OR51B5: variants seen among roughly 807,000 people sequenced by gnomAD.
OR51B5 encodes olfactory receptor 51B5.
For missense variants in OR51B5, 456 were observed against 374.6 expected, an observed-to-expected ratio of 1.22 and a Z score of -1.79; for synonymous variants, 186 against 144.8, an observed-to-expected ratio of 1.28 and a Z score of -2.04.
chr11:5,390,094 C>A (rs752118550), intron 1 of OR51B5: 1 of 1,613,770 alleles, frequency 6.2e-7, no homozygotes. Context: ...CCTATGGACT[C>A]ATCCTGCACA....
intron 1 of OR51B5, among the ~76,000 whole-genome samples, chr11:5,349,451 C>T (rs996818631): frequency 6.6e-6 from 1 of 151,606 alleles, no homozygotes; most frequent in Non-Finnish European, 1.5e-5. Flanking sequence ...AGTAATATAA[C>T]ACAATTAACT....
intron 1 of OR51B5, among the ~76,000 whole-genome samples, chr11:5,349,929 A>T (rs1224131326): frequency 6.6e-6 from 1 of 152,036 alleles, no homozygotes; most frequent in Non-Finnish European, 1.5e-5. Flanking sequence ...CTGATTAGAG[A>T]AACTATAGTT....
chr11:5,341,261 C>T (rs1057393022), downstream of OR51B5: 7 of 152,112 alleles, frequency 4.6e-5, no homozygotes, highest in African/African-American at 1.7e-4. Context: ...TGGAGCTTAG[C>T]TTCAGAAGGC....
At chr11:5,385,741 G>A (rs956516523) in intron 1 of OR51B5, among the ~76,000 whole-genome samples, 8 of 140,544 alleles carry the variant, frequency 5.7e-5, no homozygotes, top group African/African-American at 2.1e-4. Context: ...TAATATTTTT[G>A]TATATTTGTT....
upstream of OR51B5, among the ~76,000 whole-genome samples, chr11:5,347,172 T>C (rs1849005841): frequency 6.6e-6 from 1 of 152,186 alleles, no homozygotes; most frequent in Non-Finnish European, 1.5e-5. Context: ...CAGCAGACTC[T>C]GGTATCACCT....
chr11:5,374,381 A>G (rs1849491436), intron 1 of OR51B5, among the ~76,000 whole-genome samples: 1 of 152,170 alleles, frequency 6.6e-6, no homozygotes, highest in African/African-American at 2.4e-5. Context: ...AAAGTTGGGG[A>G]AAAAACAGAG....
upstream of OR51B5, among the ~76,000 whole-genome samples, chr11:5,347,105 C>G (rs1849004278): frequency 6.6e-6 from 1 of 152,148 alleles, no homozygotes; most frequent in Non-Finnish European, 1.5e-5. Context: ...CTGGCTGAAT[C>G]AAGCCACTGG....
At chr11:5,426,760 C>A (rs1221356954) in intron 1 of OR51B5, among the ~76,000 whole-genome samples, 1 of 152,116 alleles carries the variant, frequency 6.6e-6, no homozygotes, top group South Asian at 2.1e-4. Context: ...TTTTTCTCAT[C>A]CCCTTTCTTA....
At chr11:5,493,300 G>T (rs1851604625) in intron 1 of OR51B5, among the ~76,000 whole-genome samples, 1 of 152,154 alleles carries the variant, frequency 6.6e-6, no homozygotes, top group East Asian at 1.9e-4. Flanking sequence ...TGATTCTAAA[G>T]AGACATCATC....
chr11:5,396,483 T>G (rs1197273582), intron 1 of OR51B5, among the ~76,000 whole-genome samples: 1 of 151,964 alleles, frequency 6.6e-6, no homozygotes. Flanking sequence ...ATATAATACC[T>G]AGGAATCCAA....
In OR51B5 at chr11:5,501,020, C is replaced by T. The variant is rs747078149; in HGVS notation, n.84+4549G>A. ...TGAATGGGAAGAAGTTATAATGAAT[C>T]ATAAATACCTGTTGGAGATTCCATA... On this transcript the variant is annotated intron_variant and non_coding_transcript_variant, in intron 1 of 4. Coordinates refer to the OR51B5 transcript ENST00000415970. Among the ~76,000 whole-genome samples the T allele has an allele frequency of 4.7e-5, 7 of 148,150 alleles. 2 individuals carry two copies. Among genetic ancestry groups the T allele is most frequent in the Non-Finnish European group, 1.1e-4 (7 of 66,238 alleles).
chr11:5,480,251 A>G (rs1298827722), intron 1 of OR51B5, among the ~76,000 whole-genome samples: 1 of 150,758 alleles, frequency 6.6e-6, no homozygotes, highest in East Asian at 2.0e-4. Context: ...CTGCTCCTGA[A>G]TGACTACTGG....
chr11:5,378,727 G>A (rs1463999371), intron 1 of OR51B5, among the ~76,000 whole-genome samples: 1 of 152,024 alleles, frequency 6.6e-6, no homozygotes, highest in African/African-American at 2.4e-5. Flanking sequence ...ATCATCACTG[G>A]CCATCAGAGA....
intron 1 of OR51B5, among the ~76,000 whole-genome samples, chr11:5,466,937 C>G (rs191880323): frequency 6.6e-6 from 1 of 152,318 alleles, no homozygotes; most frequent in East Asian, 1.9e-4. Flanking sequence ...TCTCTAAGCC[C>G]TTTCCTCTAC....
chr11:5,400,996 T>C (rs1039835548), intron 1 of OR51B5, among the ~76,000 whole-genome samples: 1 of 152,170 alleles, frequency 6.6e-6, no homozygotes, highest in Non-Finnish European at 1.5e-5. Context: ...CTGTGTGTGT[T>C]TGTGTGCATT....
chr11:5,486,112 C>T (rs1851494784), intron 1 of OR51B5, among the ~76,000 whole-genome samples: 2 of 136,998 alleles, frequency 1.5e-5, no homozygotes, highest in Admixed American at 1.5e-4. Context: ...AGACTTCCAG[C>T]CTCCACAACT....
chr11:5,357,134 C>A (rs1020872975), intron 1 of OR51B5, among the ~76,000 whole-genome samples: 1 of 151,902 alleles, frequency 6.6e-6, no homozygotes, highest in African/African-American at 2.4e-5. Flanking sequence ...CAATATTAAC[C>A]TTAATGTAAA....
chr11:5,361,369 T>A (rs1272547573), intron 1 of OR51B5, among the ~76,000 whole-genome samples: 1 of 151,430 alleles, frequency 6.6e-6, no homozygotes, highest in African/African-American at 2.4e-5. Context: ...TAGGGAGGAG[T>A]TTCTGAAACT....
chr11:5,447,290 A>G (rs1405204441), intron 1 of OR51B5, among the ~76,000 whole-genome samples: 1 of 152,164 alleles, frequency 6.6e-6, no homozygotes, highest in Non-Finnish European at 1.5e-5. Flanking sequence ...AAGCATTGAC[A>G]GATGCAAGGT....
Sources: gnomAD v4.1 joint callset for allele counts (sites outside exome capture counted in the v4.1 genomes callset) on GRCh38, gnomAD v4.1.1 for gene constraint, MANE v1.5 for transcripts, NCBI Gene and HGNC (gene_info 2026-07-23, HGNC 2026-07-21) for gene names.